Variants in OGG1 observed in about 807,000 individuals in gnomAD.
OGG1 encodes 8-oxoguanine DNA glycosylase.
OGG1 carries 35 observed loss-of-function variants against 42.3 expected under a neutral mutation model. That is an observed-to-expected ratio of 0.83 (90% CI 0.63 to 1.10). The LOEUF is 1.10. Ranked by LOEUF, OGG1 falls within the 50% of genes least tolerant of loss-of-function variation. OGG1 has a pLI of 0.00. For missense variants in OGG1, 484 were observed against 446.7 expected, an observed-to-expected ratio of 1.08 and a Z score of -0.75; for synonymous variants, 189 against 179.0, an observed-to-expected ratio of 1.06 and a Z score of -0.44.
downstream of OGG1, chr3:9,757,578 C>T (rs753838535): frequency 1.9e-5 from 30 of 1,614,088 alleles, no homozygotes; most frequent in Non-Finnish European, 2.5e-5. This position sits in a 1 kb window ranked among gnomAD's most constrained non-coding sequence, Gnocchi z 4.5. Flanking sequence ...GTTCTGTGCC[C>T]GGCTCCACGC....
downstream of OGG1, chr3:9,767,573 G>C: frequency 2.6e-6 from 4 of 1,528,508 alleles, no homozygotes; most frequent in Non-Finnish European, 2.7e-6. Flanking sequence ...GGCCTGGGCT[G>C]TGGGAAACAG....
At chr3:9,775,222 G>C (rs1033274091) in intron 2 of OGG1, among the ~76,000 whole-genome samples, 15 of 151,782 alleles carry the variant, frequency 9.9e-5, no homozygotes, top group African/African-American at 2.9e-4. Context: ...CTGGGCAACA[G>C]AGCAAGACCC....
chr3:9,782,122 G>A (rs2078483366), intron 3 of OGG1, among the ~76,000 whole-genome samples: 1 of 152,162 alleles, frequency 6.6e-6, no homozygotes, highest in Non-Finnish European at 1.5e-5. Context: ...ACAGGCATGA[G>A]CCACCAGGCC....
intron 1 of OGG1, 124 bp downstream of exon 1, chr3:9,750,547 A>T: frequency 7.1e-7 from 1 of 1,406,508 alleles, no homozygotes; most frequent in Non-Finnish European, 9.8e-7. Context: ...AAAAGAGGAA[A>T]CAAGCACGGG....
At chr3:9,761,243 G>A (rs2077852837), downstream of OGG1, 7 of 498,386 alleles carry the variant, frequency 1.4e-5, 1 homozygote, top group South Asian at 2.3e-4. Context: ...CAGGCACTTT[G>A]TCTGGTTTGT....
chr3:9,762,985 G>C (rs766533357), intron 7 of OGG1: 2 of 1,614,132 alleles, frequency 1.2e-6, no homozygotes, highest in Non-Finnish European at 1.7e-6. Context: ...AAGATGAGGC[G>C]GCTGGCGTCC....
In OGG1 at chr3:9,752,529, C is replaced by CAAAAA. The variant is rs144337359; in HGVS notation, c.565+599_565+603dup. 3.2e-3 allele frequency among the ~76,000 whole-genome samples: 239 copies of CAAAAA among 74,920 alleles called. 6 individuals carry two copies. Among genetic ancestry groups the CAAAAA allele is most frequent in the Middle Eastern group, 0.011 (1 of 92 alleles). 49.2% of individuals were successfully genotyped at this position (74,920 alleles called of 152,430 possible). A position where few individuals can be genotyped will look rare whatever the true frequency, so the allele number is the denominator to read the frequency against. On this transcript the variant is annotated intron_variant, in intron 3 of 6. Coordinates refer to ENST00000344629, the MANE Select transcript of OGG1 (RefSeq NM_002542.6). ...TGGGCAACAGAGCGAGACTCTGTCT[C>CAAAAA]AAAAAAAAAAAAAAAAAAAAAAATT...
At chr3:9,775,342 A>C (rs1174181107) in intron 2 of OGG1, among the ~76,000 whole-genome samples, 1 of 152,210 alleles carries the variant, frequency 6.6e-6, no homozygotes, top group Non-Finnish European at 1.5e-5. Flanking sequence ...TTGCTATCAA[A>C]TGTATGGAGA....
At chr3:9,771,522 T>C (rs1214130063), downstream of OGG1, among the ~76,000 whole-genome samples, 1 of 152,194 alleles carries the variant, frequency 6.6e-6, no homozygotes, top group Non-Finnish European at 1.5e-5. Context: ...AGAACACTAT[T>C]CAAAACATGA....
chr3:9,766,209 A>G, exon 8 of OGG1: 1 of 744,666 alleles, frequency 1.3e-6, no homozygotes, highest in Non-Finnish European at 2.4e-6. Context: ...CCACCTGGGG[A>G]GAGCCTGCTT....
intron 3 of OGG1, chr3:9,784,132 G>A (rs756018400): frequency 1.3e-5 from 21 of 1,614,052 alleles, no homozygotes; most frequent in South Asian, 8.8e-5. Context: ...AGTCCTCTGC[G>A]GGGCGGTCCT....
chr3:9,757,545 C>G (rs541448857), downstream of OGG1: 8 of 1,613,434 alleles, frequency 5.0e-6, no homozygotes, highest in African/African-American at 6.7e-5. This position sits in a 1 kb window ranked among gnomAD's most constrained non-coding sequence, Gnocchi z 4.5. Flanking sequence ...GGCCCTAGAG[C>G]TGGTGGGGCA....
chr3:9,776,551 G>A (rs997456554), intron 2 of OGG1, among the ~76,000 whole-genome samples: 4 of 151,858 alleles, frequency 2.6e-5, no homozygotes, highest in Admixed American at 1.3e-4. Context: ...CACCACGCCC[G>A]GCTAATTTGT....
At chr3:9,771,272 C>G (rs1006298946), downstream of OGG1, among the ~76,000 whole-genome samples, 1 of 152,044 alleles carries the variant, frequency 6.6e-6, no homozygotes, top group Non-Finnish European at 1.5e-5. Context: ...CAATCCTCCC[C>G]AATCAGCTTC....
At chr3:9,771,903 G>A (rs1470971047) in intron 2 of OGG1, among the ~76,000 whole-genome samples, 2 of 130,292 alleles carry the variant, frequency 1.5e-5, no homozygotes, top group African/African-American at 2.9e-5. Flanking sequence ...TGCAACCTCC[G>A]CCTCCTGGGT....
At chr3:9,778,203 TATC>T (rs1360831101) in intron 2 of OGG1, among the ~76,000 whole-genome samples, 1 of 152,224 alleles carries the variant, frequency 6.6e-6, no homozygotes, top group Non-Finnish European at 1.5e-5. Flanking sequence ...TTCATTGCAT[TATC>T]ATTATGATTA....
chr3:9,780,839 C>T (rs1020597997), intron 2 of OGG1, among the ~76,000 whole-genome samples: 1 of 152,156 alleles, frequency 6.6e-6, no homozygotes, highest in Non-Finnish European at 1.5e-5. Flanking sequence ...TAAAACTGCT[C>T]TAGAAGAATA....
At chr3:9,756,995 T>A in intron 6 of OGG1, 66 bp from the exon 7 acceptor site, 1 of 1,612,994 alleles carries the variant, frequency 6.2e-7, no homozygotes, top group South Asian at 1.1e-5. Flanking sequence ...CCCAACACTG[T>A]CACTAGTCTC....
intron 7 of OGG1, chr3:9,763,136 C>G (rs747803654): frequency 1.9e-6 from 3 of 1,613,996 alleles, no homozygotes; most frequent in Non-Finnish European, 2.5e-6. Flanking sequence ...TTGGGCCACT[C>G]ACAGCTGCAT....
Sources: gnomAD v4.1 joint callset for allele counts (sites outside exome capture counted in the v4.1 genomes callset) on GRCh38, gnomAD v4.1.1 for gene constraint, Gnocchi (gnomAD v3.1) non-coding constraint, MANE v1.5 for transcripts, NCBI Gene and HGNC (gene_info 2026-07-23, HGNC 2026-07-21) for gene names.